UBA7: variants seen among roughly 807,000 people sequenced by gnomAD.
UBA7 encodes the protein ubiquitin-like modifier-activating enzyme 7.
Under a neutral mutation model 113.0 loss-of-function variants are expected in UBA7, and 88 were observed. The observed-to-expected ratio is 0.78, with a 90% CI of 0.66 to 0.93. The LOEUF is 0.93. UBA7 is among the 40% of genes least tolerant of loss of function. The pLI is 0.00. For missense variants in UBA7, 1,092 were observed against 1,266.4 expected (o/e 0.86, Z 2.09); for synonymous variants, 459 against 513.0 (o/e 0.89, Z 1.42).
In UBA7 at chr3:49,812,221, G is replaced by A. The variant is rs1357354086; in HGVS notation, c.695-15C>T. On this transcript the variant is annotated splice_polypyrimidine_tract_variant and intron_variant, in intron 6 of 23. Transcript: ENST00000333486. The stretch of plus-strand genomic sequence containing the variant: ...GGACCCATCCTCTGAGGGAGTTCCA[G>A]TCTAGTCAGTAATGATCCTTGAGCC... 1.2e-6 allele frequency: 2 copies of A among 1,613,964 alleles called. No homozygotes were observed. The highest frequency in any genetic ancestry group is 1.3e-5 in the African/African-American group (1 of 74,922).
In UBA7 at chr3:49,813,320, G is replaced by A; in HGVS notation, c.289C>T (p.Gln97Ter). The A allele has an allele frequency of 6.2e-7, 1 of 1,614,190 alleles. No individual in the cohort carries two copies. Among genetic ancestry groups the A allele is most frequent in the Non-Finnish European group, 8.5e-7 (1 of 1,180,040 alleles). ...RAEASQELLA[Q>*]LNRAVQVVVH... The stretch of plus-strand genomic sequence containing the variant: ...ACGACCTGGACAGCTCTGTTGAGCT[G>A]AGCCAAGAGCTCTTGAGAGGCCTCG... The change falls in exon 3 of 24, where the codon CAG becomes TAG. Residue 97 changes from glutamine (Q) to a stop codon, truncating the protein, a stop_gained. Transcript: ENST00000333486. LOFTEE classifies it high-confidence loss of function.
At position 49,811,971 on chromosome 3, in the gene UBA7, T is replaced by C. The variant is rs2081554668; in HGVS notation, c.838A>G (p.Ser280Gly). The C allele has an allele frequency of 6.2e-7, 1 of 1,614,180 alleles. No homozygotes were observed. Among genetic ancestry groups the C allele is most frequent in the Non-Finnish European group, 8.5e-7 (1 of 1,180,038 alleles). ...ALLQPHVVAQ[S>G]SQEVHHAHCL... is the part of the protein sequence containing the mutation. Reference sequence around the variant, plus strand: ...TGGGCATGGTGAACTTCCTGGGAGCTCTGGGCCACCACATGGGGCTGGAGC... The same window carrying C: ...TGGGCATGGTGAACTTCCTGGGAGCCCTGGGCCACCACATGGGGCTGGAGC... The change falls in exon 8 of 24, where the codon AGC becomes GGC. Residue 280 changes from serine (S) to glycine (G), a missense_variant. Physicochemically the swap from Ser to Gly is moderately conservative, Grantham distance 56. Coordinates refer to ENST00000333486, the MANE Select transcript of UBA7 (RefSeq NM_003335.3).
chr3:49,806,281 G>T (rs1267259106), intron 21 of UBA7, 116 bp from the exon 22 acceptor site: 1 of 893,234 alleles, frequency 1.1e-6, no homozygotes, highest in Non-Finnish European at 1.7e-6. Context: ...GGAGCCAGGG[G>T]GTGGGGGGTG....
intron 18 of UBA7, 96 bp from the exon 19 acceptor site, chr3:49,808,564 CACTT>C (rs2081492499): frequency 4.7e-6 from 6 of 1,277,858 alleles, no homozygotes; most frequent in Admixed American, 2.1e-5. Context: ...CCAAGCCTGT[CACTT>C]ACTATTCCCT....
At position 49,810,776 on chromosome 3, in the gene UBA7, T is replaced by C; in HGVS notation, c.1287A>G (p.Lys429=). The C allele has an allele frequency of 6.2e-7, 1 of 1,614,072 alleles. No homozygotes were observed. The highest frequency in any genetic ancestry group is 1.1e-5 in the South Asian group (1 of 91,088). ...CCAGGAGGTAGTGCTGGCGTCTCAG[T>C]TTCTCCTGAAAACCAGCCCCAAACA... ...IAVFGAGFQE[K]LRRQHYLLVG... The change falls in exon 11 of 24, where the codon AAA becomes AAG. Residue 429 remains lysine, a synonymous_variant. Transcript: ENST00000333486. This position sits in a 1 kb window ranked among gnomAD's most constrained non-coding sequence, Gnocchi z 5.6.
intron 23 of UBA7, 124 bp from the exon 24 acceptor site, chr3:49,805,561 C>A: frequency 1.1e-6 from 1 of 887,212 alleles, no homozygotes; most frequent in South Asian, 1.5e-5. Context: ...AGGAGCTGCT[C>A]AAGACAGGAA....
chr3:49,810,825 C>T lies in UBA7; in HGVS notation c.1238G>A (p.Ser413Asn). 6.2e-7 allele frequency: 1 copy of T among 1,614,148 alleles called. No homozygotes were observed. Among genetic ancestry groups the T allele is most frequent in the Non-Finnish European group, 8.5e-7 (1 of 1,180,020 alleles). ...PSPEDCALRGSRYDGQIAVFG... is the reference protein window; with the variant it reads ...PSPEDCALRGNRYDGQIAVFG... Reference sequence around the variant, plus strand: ...CACTGCAATTTGCCCATCATAGCGGCTGCCTCTCTAGGGGACAGAGACGGG... The same window carrying T: ...CACTGCAATTTGCCCATCATAGCGGTTGCCTCTCTAGGGGACAGAGACGGG... The change falls in exon 11 of 24, where the codon AGC (serine) becomes AAC (asparagine). Residue 413 changes from serine to asparagine, a missense_variant. Coordinates refer to ENST00000333486, the MANE Select transcript of UBA7 (RefSeq NM_003335.3). The surrounding 1 kb of genome is among the most constrained non-coding windows in gnomAD (Gnocchi z 5.6).
rs1175009175 is a variant in UBA7 at position 49,805,234 on chromosome 3, G to C, written c.*74C>G. The stretch of plus-strand genomic sequence containing the variant: ...TTCCTTTAACAAGCATTTATTGAGT[G>C]CCTACTGTGGGCTTACAATGCAGGG... On this transcript the variant is annotated 3_prime_UTR_variant, in exon 24 of 24. Coordinates refer to ENST00000333486, the MANE Select transcript of UBA7 (RefSeq NM_003335.3). 10 of 1,433,332 alleles carry C rather than the reference G, an allele frequency of 7.0e-6. No homozygotes were observed. The South Asian group carries it at 9.4e-5, about 13-fold the overall frequency. The allele number at this position is 1,433,332 out of a possible 1,614,324, so 88.8% of individuals were successfully genotyped here. A position where few individuals can be genotyped will look rare whatever the true frequency, so the allele number is the denominator to read the frequency against.
chr3:49,808,483 G>A lies in UBA7; in HGVS notation c.2348-15C>T, dbSNP rs201545211. On this transcript the variant is annotated splice_polypyrimidine_tract_variant and intron_variant, in intron 18 of 23. Coordinates refer to ENST00000333486, the MANE Select transcript of UBA7 (RefSeq NM_003335.3). Reference sequence around the variant, plus strand: ...CTGCTCAGGGCCTGTCAGGGGAGGGGATGTTGAGGCAGTCCTTAGCCCCTG... The same window carrying A: ...CTGCTCAGGGCCTGTCAGGGGAGGGAATGTTGAGGCAGTCCTTAGCCCCTG... The A allele has an allele frequency of 1.2e-5, 20 of 1,613,618 alleles. No homozygotes were observed. The African/African-American group carries it at 2.3e-4, about 18-fold the overall frequency.
Position 49,805,213 on chromosome 3 carries a change from T to C in UBA7, c.*95A>G. The C allele has an allele frequency of 4.5e-6, 6 of 1,329,614 alleles. No homozygotes were observed. Among genetic ancestry groups the C allele is most frequent in the Non-Finnish European group, 6.4e-6 (6 of 942,466 alleles). The allele number at this position is 1,329,614 out of a possible 1,614,324, so 82.4% of individuals were successfully genotyped here. A position where few individuals can be genotyped will look rare whatever the true frequency, so the allele number is the denominator to read the frequency against. On this transcript the variant is annotated 3_prime_UTR_variant, in exon 24 of 24. Coordinates refer to ENST00000333486, the MANE Select transcript of UBA7 (RefSeq NM_003335.3). ...GTCCATCCTCTCTGCAATGCCTTCC[T>C]TTAACAAGCATTTATTGAGTGCCTA...
rs987661987 is a variant in UBA7, at chr3:49,806,303, G to A, written c.2716-138C>T. ...GGGGGTGGGGGGTGGGGGGGAGGTG[G>A]GATCTGGGCCCAGAGTCTCAGCCCC... On this transcript the variant is annotated intron_variant, in intron 21 of 23. Transcript: ENST00000333486. The A allele has an allele frequency of 2.0e-5, 15 of 744,424 alleles. No homozygotes were observed. In the East Asian group the frequency reaches 3.5e-4, roughly 17 times the overall value. 46.1% of individuals were successfully genotyped at this position (744,424 alleles called of 1,614,324 possible).
intron 19 of UBA7, 68 bp downstream of exon 19, chr3:49,808,318 C>T: frequency 1.2e-6 from 2 of 1,600,294 alleles, no homozygotes; most frequent in Admixed American, 3.3e-5. Flanking sequence ...CCAAAACTAC[C>T]TTATTAGCTC....
Position 49,813,541 on chromosome 3 carries a change from C to T in UBA7, c.163G>A (p.Gly55Ser). 2 of 1,614,008 alleles carry T rather than the reference C, an allele frequency of 1.2e-6. No homozygotes were observed. The highest frequency in any genetic ancestry group is 1.7e-6 in the Non-Finnish European group (2 of 1,180,038). ...AEVAKNLVLM[G>S]VGSLTLHDPH... ...TCATGCAGAGTGAGGCTGCCCACAC[C>T]CATCAGAACCAAGTTCTTGGCCACC... The change falls in exon 2 of 24, where the codon GGT becomes AGT. Residue 55 changes from glycine to serine, a missense_variant. Physicochemically the swap from Gly to Ser is moderately conservative, Grantham distance 56. Around this residue, in one of 3 missense-constraint regions of UBA7, gnomAD observed 584 missense variants for 714.5 expected, o/e 0.82. Coordinates refer to ENST00000333486, the MANE Select transcript of UBA7 (RefSeq NM_003335.3).
rs1247869648 is a variant in UBA7, at chr3:49,810,105, G to A, written c.1712C>T (p.Ala571Val). The change falls in exon 14 of 24, where the codon GCT becomes GTT. Residue 571 changes from alanine (A) to valine (V), a missense_variant. Physicochemically the swap from Ala to Val is moderately conservative, Grantham distance 64. Transcript: ENST00000333486. The surrounding 1 kb of genome is among the most constrained non-coding windows in gnomAD (Gnocchi z 5.6). Reference protein sequence around the residue: ...EAGTSGTWGSATVFMPHVTEA... With the variant: ...EAGTSGTWGSVTVFMPHVTEA... ...AGTCACATGTGGCATGAATACTGTA[G>A]CACTGCCCCAGGTGCCCGATGTGCC... 2 of 1,612,794 alleles carry A rather than the reference G, an allele frequency of 1.2e-6. No homozygotes were observed. Among genetic ancestry groups the A allele is most frequent in the Non-Finnish European group, 1.7e-6 (2 of 1,180,014 alleles).
chr3:49,808,582 C>T, intron 18 of UBA7, 114 bp from the exon 19 acceptor site: 2 of 1,128,780 alleles, frequency 1.8e-6, no homozygotes, highest in South Asian at 3.0e-5. Flanking sequence ...ATTCCCTGAT[C>T]AAATCAAGAA....
At chr3:49,806,270 A>T in intron 21 of UBA7, 105 bp from the exon 22 acceptor site, 45 of 723,626 alleles carry the variant, frequency 6.2e-5, no homozygotes, top group Middle Eastern at 4.5e-4. Context: ...AGCAGGAAAC[A>T]GGAGCCAGGG....
Position 49,806,101 on chromosome 3 carries a change from G to A in UBA7, c.2780C>T (p.Thr927Ile). The A allele has an allele frequency of 6.3e-7, 1 of 1,598,070 alleles. No homozygotes were observed. The highest frequency in any genetic ancestry group is 8.5e-7 in the Non-Finnish European group (1 of 1,172,776). The change falls in exon 22 of 24, where the codon ACC becomes ATC. Residue 927 changes from threonine (T) to isoleucine (I), a missense_variant. By Grantham distance (89) the Thr-to-Ile change is moderately conservative (BLOSUM62 -1). Coordinates refer to ENST00000333486, the MANE Select transcript of UBA7 (RefSeq NM_003335.3). ...AAGATGAGCCAGCAGCGACTCCAGG[G>A]TCCTCTCAGGCTGCCCAGCTGGTAC... Reference protein sequence around the residue: ...LKVPAGQPERTLESLLAHLQE... With the variant: ...LKVPAGQPERILESLLAHLQE...
At position 49,808,419 on chromosome 3, in the gene UBA7, C is replaced by T. The variant is rs760182417; in HGVS notation, c.2397G>A (p.Val799=). The change falls in exon 19 of 24, where the codon GTG becomes GTA. Residue 799 remains valine (V), a synonymous_variant. Transcript: ENST00000333486. ...ACATCAGAGGCTTCAGGGGAGGGCCCACACTCCAGACTTCCAGGGCTTTGT... is the reference window on the plus strand; with the variant it reads ...ACATCAGAGGCTTCAGGGGAGGGCCTACACTCCAGACTTCCAGGGCTTTGT... The part of the protein sequence containing the change: ...ELNKALEVWS[V]GPPLKPLMFE... The T allele has an allele frequency of 1.2e-6, 2 of 1,614,200 alleles. No individual in the cohort carries two copies. The highest frequency in any genetic ancestry group is 4.5e-5 in the East Asian group (2 of 44,890).
intron 8 of UBA7, 51 bp downstream of exon 8, chr3:49,811,819 G>A (rs530960805): frequency 1.9e-6 from 3 of 1,603,684 alleles, no homozygotes; most frequent in East Asian, 4.5e-5. Flanking sequence ...CTGGCAGGTG[G>A]GACCCCAATA....
Sources: allele counts gnomAD v4.1 joint callset, GRCh38; gene constraint gnomAD v4.1.1; regional missense constraint gnomAD v4.1.1; non-coding constraint Gnocchi (gnomAD v3.1); transcripts MANE v1.5; gene names NCBI Gene and HGNC (gene_info 2026-07-23, HGNC 2026-07-21).